Variants in ELFN1 observed in about 807,000 individuals in gnomAD.
ELFN1 encodes extracellular leucine rich repeat and fibronectin type III domain containing 1.
A neutral mutation model predicts 7.6 loss-of-function variants in ELFN1; 6 were observed. That is an observed-to-expected ratio of 0.79 (90% CI 0.43 to 1.56). ELFN1 has a LOEUF of 1.56. Ranked by LOEUF, ELFN1 falls within the 40% of genes most tolerant of loss-of-function variation. The pLI, the probability that ELFN1 is intolerant of heterozygous loss-of-function variation, is 0.01. For synonymous variants in ELFN1, 657 were observed against 588.1 expected (o/e 1.12, Z -1.70); for missense variants, 1,169 against 1,232.2 (o/e 0.95, Z 0.77).
rs530825057 is a variant in ELFN1 at position 1,705,677 on chromosome 7, C to T, written c.-455-3414C>T. Among the ~76,000 whole-genome samples, 17 of 152,358 alleles carry T rather than the reference C, an allele frequency of 1.1e-4. No individual in the cohort carries two copies. Among genetic ancestry groups the T allele is most frequent in the African/African-American group, 3.8e-4 (16 of 41,592 alleles). On this transcript the variant is annotated intron_variant, in intron 2 of 3. Coordinates refer to ENST00000424383, the MANE Select transcript of ELFN1 (RefSeq NM_001128636.4). The surrounding 1 kb of genome is among the most constrained non-coding windows in gnomAD (Gnocchi z 4.3). ...GGGCCCTTGCCCTTTCTGGCCCTGC[C>T]CTTTCTGGCTCATGGCAATTCAGTG...
intron 3 of ELFN1, among the ~76,000 whole-genome samples, chr7:1,730,068 G>A (rs1041650277): frequency 1.2e-4 from 18 of 152,236 alleles, no homozygotes; most frequent in African/African-American, 2.2e-4. Flanking sequence ...CCGCCACGTC[G>A]GATGCCTTCC....
rs972503228 is a variant in ELFN1 at position 1,735,174 on chromosome 7, G to A, written c.-293-9130G>A. On this transcript the variant is annotated intron_variant, in intron 3 of 3. Coordinates refer to ENST00000424383, the MANE Select transcript of ELFN1 (RefSeq NM_001128636.4). The surrounding 1 kb of genome is among the most constrained non-coding windows in gnomAD (Gnocchi z 5.9). ...AACCCTGGGGAGGGGCTTTGCATGC[G>A]GGAGGTGCTGCACACCGGCGGACCG... is the stretch of plus-strand genomic sequence containing the variant. 2.6e-5 allele frequency among the ~76,000 whole-genome samples: 4 copies of A among 152,126 alleles called. No homozygotes were observed. Among genetic ancestry groups the A allele is most frequent in the Non-Finnish European group, 5.9e-5 (4 of 68,020 alleles).
In ELFN1 at chr7:1,674,207, G is replaced by T. The variant is rs1583305280; in HGVS notation, c.-549+3853G>T. On this transcript the variant is annotated intron_variant, in intron 1 of 3. Transcript: ENST00000424383. Reference sequence around the variant, plus strand: ...CCGGTGGGGAAACTGAGGCAGAGAGGACCACTCCTCCGCTCCCTGCTCCGG... The same window carrying T: ...CCGGTGGGGAAACTGAGGCAGAGAGTACCACTCCTCCGCTCCCTGCTCCGG... Among the ~76,000 whole-genome samples the T allele has an allele frequency of 2.6e-5, 4 of 152,108 alleles. No homozygotes were observed. The East Asian group carries it at 7.7e-4, about 29-fold the overall frequency.
chr7:1,722,741 C>A (rs1243141120), intron 3 of ELFN1, among the ~76,000 whole-genome samples: 1 of 152,090 alleles, frequency 6.6e-6, no homozygotes. Flanking sequence ...TCTCAAATAT[C>A]TAAGAAATCC....
Position 1,697,733 on chromosome 7 carries a change from C to T in ELFN1, c.-456+9583C>T, listed in dbSNP as rs557289498. On this transcript the variant is annotated intron_variant, in intron 2 of 3. Coordinates refer to ENST00000424383, the MANE Select transcript of ELFN1 (RefSeq NM_001128636.4). ...TTTTCACCCTGATCAGGGCTGCCTGCCCGTGAACACATCAAGGCATGTGTC... is the reference window on the plus strand; with the variant it reads ...TTTTCACCCTGATCAGGGCTGCCTGTCCGTGAACACATCAAGGCATGTGTC... Among the ~76,000 whole-genome samples, 37 of 152,318 alleles carry T rather than the reference C, an allele frequency of 2.4e-4. 1 individual carries two copies. The highest frequency in any genetic ancestry group is 1.7e-3 in the South Asian group (8 of 4,822).
At chr7:1,666,568 A>T (rs1453383216), upstream of ELFN1, among the ~76,000 whole-genome samples, 2 of 151,274 alleles carry the variant, frequency 1.3e-5, no homozygotes, top group African/African-American at 4.9e-5. This position sits in a 1 kb window ranked among gnomAD's most constrained non-coding sequence, Gnocchi z 7.9. Flanking sequence ...CCCTAGGGCT[A>T]GGGAGGCGCC....
intron 3 of ELFN1, among the ~76,000 whole-genome samples, chr7:1,742,737 C>A (rs1780662094): frequency 6.6e-6 from 1 of 152,230 alleles, no homozygotes; most frequent in Non-Finnish European, 1.5e-5. Context: ...TCGTTGTAGC[C>A]CCCATGCCGT....
At chr7:1,690,996 A>G (rs1044183605) in intron 2 of ELFN1, among the ~76,000 whole-genome samples, 3 of 152,208 alleles carry the variant, frequency 2.0e-5, no homozygotes, top group African/African-American at 4.8e-5. Flanking sequence ...GAAAAATACA[A>G]TGTCAGTATG....
At chr7:1,721,468 C>G (rs1360150117) in intron 3 of ELFN1, among the ~76,000 whole-genome samples, 1 of 152,250 alleles carries the variant, frequency 6.6e-6, no homozygotes, top group Non-Finnish European at 1.5e-5. Flanking sequence ...TGCATCTGCC[C>G]TGTGCCATGC....
intron 3 of ELFN1, among the ~76,000 whole-genome samples, chr7:1,726,398 T>C (rs1288263204): frequency 6.6e-6 from 1 of 152,250 alleles, no homozygotes; most frequent in Non-Finnish European, 1.5e-5. Flanking sequence ...AGTCAGCATA[T>C]GGACCCTGCC....
chr7:1,727,922 T>C (rs1780240087), intron 3 of ELFN1, among the ~76,000 whole-genome samples: 1 of 152,128 alleles, frequency 6.6e-6, no homozygotes, highest in African/African-American at 2.4e-5. Context: ...CTAGTCCTTA[T>C]TTGCAGCCTG....
chr7:1,677,732 TC>T (rs1339425293), intron 1 of ELFN1, among the ~76,000 whole-genome samples: 4 of 152,132 alleles, frequency 2.6e-5, no homozygotes, highest in Admixed American at 2.0e-4. Context: ...TGAAATTCCT[TC>T]CGTCTGAGGG....
chr7:1,720,601 G>A (rs946352820), intron 3 of ELFN1, among the ~76,000 whole-genome samples: 1 of 152,162 alleles, frequency 6.6e-6, no homozygotes, highest in Non-Finnish European at 1.5e-5. Flanking sequence ...CAGCTTGTGT[G>A]CCAAGAACCT....
chr7:1,699,820 C>G (rs1779389307), intron 2 of ELFN1, among the ~76,000 whole-genome samples: 1 of 152,166 alleles, frequency 6.6e-6, no homozygotes, highest in Admixed American at 6.5e-5. Flanking sequence ...TCTCCTGCCT[C>G]AGCCTCCCGG....
chr7:1,732,816 A>G (rs944472483), intron 3 of ELFN1, among the ~76,000 whole-genome samples: 1 of 152,320 alleles, frequency 6.6e-6, no homozygotes, highest in Non-Finnish European at 1.5e-5. Flanking sequence ...TTTCCTGGGA[A>G]GTGAGCTCAA....
rs1780418288 is a variant in ELFN1 at position 1,735,426 on chromosome 7, C to T, written c.-293-8878C>T. On this transcript the variant is annotated intron_variant, in intron 3 of 3. Transcript: ENST00000424383. This position sits in a 1 kb window ranked among gnomAD's most constrained non-coding sequence, Gnocchi z 5.9. ...GGTGCAGGCAGCAGTCCCCTCCGTT[C>T]TACTCCCCAGCCCGGCCTCCTGGAG... Among the ~76,000 whole-genome samples the T allele has an allele frequency of 6.6e-6, 1 of 152,088 alleles. No individual in the cohort carries two copies. The highest frequency in any genetic ancestry group is 1.5e-5 in the Non-Finnish European group (1 of 67,984).
At chr7:1,710,619 G>A (rs1317807741) in intron 3 of ELFN1, among the ~76,000 whole-genome samples, 1 of 152,238 alleles carries the variant, frequency 6.6e-6, no homozygotes, top group Non-Finnish European at 1.5e-5. Flanking sequence ...TGAGGCCCGG[G>A]GGGCCACATG....
chr7:1,725,648 C>T (rs572685739), intron 3 of ELFN1, among the ~76,000 whole-genome samples: 4 of 152,292 alleles, frequency 2.6e-5, no homozygotes, highest in East Asian at 1.9e-4. Context: ...AGCTGTCGGA[C>T]GCCCGCCTGC....
At chr7:1,703,371 CTTATTT>C (rs1779466671) in intron 2 of ELFN1, among the ~76,000 whole-genome samples, 1 of 152,124 alleles carries the variant, frequency 6.6e-6, no homozygotes, top group African/African-American at 2.4e-5. Context: ...GTTCCTTTTT[CTTATTT>C]TTATTTGGTC....
Sources: allele counts gnomAD v4.1 joint callset (sites outside exome capture counted in the v4.1 genomes callset), GRCh38; gene constraint gnomAD v4.1.1; non-coding constraint Gnocchi (gnomAD v3.1); transcripts MANE v1.5; gene names NCBI Gene and HGNC (gene_info 2026-07-23, HGNC 2026-07-21).